SHOC2: variants seen among roughly 807,000 people sequenced by gnomAD.
SHOC2 encodes the protein leucine-rich repeat protein SHOC-2.
SHOC2 carries 4 observed loss-of-function variants against 50.2 expected under a neutral mutation model. The observed-to-expected ratio is 0.08, with a 90% confidence interval of 0.04 to 0.18. SHOC2 has a LOEUF of 0.18. SHOC2 is among the 10% of genes least tolerant of loss of function. The probability of loss-of-function intolerance (pLI) is 1.00; values close to 1 mark genes in which losing one functional copy is unlikely to be tolerated. For missense variants in SHOC2, 388 were observed against 669.6 expected (o/e 0.58, Z 4.64); for synonymous variants, 218 against 244.5 (o/e 0.89, Z 1.01).
intron 4 of SHOC2, among the ~76,000 whole-genome samples, chr10:111,001,052 G>T (rs184694304): frequency 9.1e-6 from 1 of 110,280 alleles, no homozygotes; most frequent in African/African-American, 3.1e-5. Flanking sequence ...TAGAACAATC[G>T]CCAGAATCTT....
intron 3 of SHOC2, among the ~76,000 whole-genome samples, chr10:110,996,357 A>C (rs1034656926): frequency 6.6e-6 from 1 of 151,962 alleles, no homozygotes; most frequent in Non-Finnish European, 1.5e-5. Context: ...GCGAAACTCT[A>C]TCTCTACAAA....
At chr10:110,926,862 T>C (rs922488444) in intron 1 of SHOC2, among the ~76,000 whole-genome samples, 2 of 152,232 alleles carry the variant, frequency 1.3e-5, no homozygotes, top group Non-Finnish European at 2.9e-5. Flanking sequence ...ACAGTATTTA[T>C]TGAACAAAAT....
At chr10:110,979,244 C>G (rs1847929400) in intron 2 of SHOC2, among the ~76,000 whole-genome samples, 1 of 152,196 alleles carries the variant, frequency 6.6e-6, no homozygotes, top group Non-Finnish European at 1.5e-5. Flanking sequence ...GCTCTTAGTT[C>G]CTTTTCACAT....
intron 1 of SHOC2, among the ~76,000 whole-genome samples, chr10:110,950,470 A>T (rs1413773387): frequency 6.6e-6 from 1 of 152,212 alleles, no homozygotes; most frequent in Non-Finnish European, 1.5e-5. Flanking sequence ...TATATTTGAT[A>T]CAACAGCTAT....
At chr10:110,920,362 C>T (rs2134061722) in intron 1 of SHOC2, among the ~76,000 whole-genome samples, 1 of 152,220 alleles carries the variant, frequency 6.6e-6, no homozygotes, top group East Asian at 1.9e-4. Context: ...TAGTCTCACT[C>T]TTCCCCGACT....
At chr10:111,001,706 A>T (rs959025145) in intron 4 of SHOC2, among the ~76,000 whole-genome samples, 1 of 152,068 alleles carries the variant, frequency 6.6e-6, no homozygotes, top group Non-Finnish European at 1.5e-5. Context: ...AGTTTTTCTG[A>T]GTATGTGTGT....
At chr10:110,991,030 G>A (rs1012833479) in intron 3 of SHOC2, among the ~76,000 whole-genome samples, 1 of 152,014 alleles carries the variant, frequency 6.6e-6, no homozygotes, top group African/African-American at 2.4e-5. Flanking sequence ...GTGTAACTTT[G>A]CCTGCTCCTT....
chr10:110,993,903 A>G (rs1848225270), intron 3 of SHOC2, among the ~76,000 whole-genome samples: 1 of 152,180 alleles, frequency 6.6e-6, no homozygotes, highest in African/African-American at 2.4e-5. Flanking sequence ...ATCTACCATG[A>G]TACTGTAAAG....
At chr10:110,977,795 A>G (rs184373618) in intron 2 of SHOC2, among the ~76,000 whole-genome samples, 3 of 152,272 alleles carry the variant, frequency 2.0e-5, no homozygotes, top group East Asian at 1.9e-4. Context: ...CTGATAAACT[A>G]TATATTATGA....
chr10:110,971,528 A>C (rs749408236), intron 2 of SHOC2, among the ~76,000 whole-genome samples: 4 of 152,028 alleles, frequency 2.6e-5, no homozygotes, highest in Non-Finnish European at 4.4e-5. Context: ...TGCTTTGGCT[A>C]TTTAGAGTCT....
intron 1 of SHOC2, among the ~76,000 whole-genome samples, chr10:110,943,440 T>C (rs1260929718): frequency 6.6e-6 from 1 of 152,238 alleles, no homozygotes; most frequent in East Asian, 1.9e-4. Flanking sequence ...TATCTCTGTA[T>C]TGATATTCCC....
At chr10:110,993,500 T>C (rs1848219028) in intron 3 of SHOC2, among the ~76,000 whole-genome samples, 1 of 152,178 alleles carries the variant, frequency 6.6e-6, no homozygotes, top group South Asian at 2.1e-4. Context: ...AATGTGAGAT[T>C]TCTTCATCAG....
At chr10:110,975,422 G>A (rs190720357) in intron 2 of SHOC2, among the ~76,000 whole-genome samples, 49 of 152,268 alleles carry the variant, frequency 3.2e-4, no homozygotes, top group Admixed American at 3.1e-3. Context: ...GATTACAGGC[G>A]TGAGCCACTG....
intron 1 of SHOC2, among the ~76,000 whole-genome samples, chr10:110,956,368 A>C (rs921347752): frequency 3.3e-5 from 5 of 152,118 alleles, no homozygotes; most frequent in South Asian, 2.1e-4. Flanking sequence ...GCGCGCCAGC[A>C]CACCTGGGTA....
chr10:110,953,555 T>C lies in SHOC2; in HGVS notation c.-234-10570T>C, dbSNP rs1247557067. ...CCCATTGAAAGACATCTTGGTTGCC[T>C]CTAAGTTTGGGCAATTATAAAGCTG... On this transcript the variant is annotated intron_variant, in intron 1 of 8. Coordinates refer to ENST00000369452, the MANE Select transcript of SHOC2 (RefSeq NM_007373.4). 2.0e-5 allele frequency among the ~76,000 whole-genome samples: 3 copies of C among 152,304 alleles called. No homozygotes were observed. The East Asian group carries it at 5.8e-4, about 29-fold the overall frequency.
intron 1 of SHOC2, among the ~76,000 whole-genome samples, chr10:110,934,518 A>G (rs561044247): frequency 6.6e-6 from 1 of 152,326 alleles, no homozygotes; most frequent in South Asian, 2.1e-4. Flanking sequence ...TCCGTACAAC[A>G]TTGCATAGTA....
chr10:110,936,868 A>T, intron 1 of SHOC2: 1 of 1,362,510 alleles, frequency 7.3e-7, no homozygotes, highest in Non-Finnish European at 1.0e-6. Context: ...CCTTGAGGGC[A>T]GCAGGAACCA....
chr10:111,007,018 GATTAGTGTT>G (rs1848481134), intron 5 of SHOC2, among the ~76,000 whole-genome samples: 1 of 152,074 alleles, frequency 6.6e-6, no homozygotes, highest in Non-Finnish European at 1.5e-5. Context: ...GTAAATACCT[GATTAGTGTT>G]TTAATGATTT....
At chr10:110,930,294 A>G (rs1846865391) in intron 1 of SHOC2, among the ~76,000 whole-genome samples, 1 of 152,174 alleles carries the variant, frequency 6.6e-6, no homozygotes, top group South Asian at 2.1e-4. Context: ...CTCAAATATA[A>G]GATACCTTGA....
Sources: gnomAD v4.1 joint callset for allele counts (sites outside exome capture counted in the v4.1 genomes callset) on GRCh38, gnomAD v4.1.1 for gene constraint, MANE v1.5 for transcripts, NCBI Gene and HGNC (gene_info 2026-07-23, HGNC 2026-07-21) for gene names.